The following FABP6 variants were observed in gnomAD, a reference collection of about 807,000 sequenced individuals.
FABP6 encodes gastrotropin.
A neutral mutation model predicts 14.9 loss-of-function variants in FABP6; 13 were observed. The observed-to-expected ratio is 0.87, with a 90% CI of 0.57 to 1.39. The LOEUF is 1.39. FABP6 is among the 40% of genes most tolerant of loss of function. FABP6 has a pLI of 0.00. For synonymous variants in FABP6, 75 were observed against 63.6 expected, an observed-to-expected ratio of 1.18 and a Z score of -0.85; for missense variants, 161 against 167.2, an observed-to-expected ratio of 0.96 and a Z score of 0.20.
At chr5:160,213,343 A>C (rs1759932899) in intron 2 of FABP6, among the ~76,000 whole-genome samples, 1 of 152,242 alleles carries the variant, frequency 6.6e-6, no homozygotes, top group African/African-American at 2.4e-5. Context: ...AAGCAGGGAC[A>C]AGAGAATCCA....
At chr5:160,215,562 C>G (rs1759992838) in intron 3 of FABP6, among the ~76,000 whole-genome samples, 1 of 150,998 alleles carries the variant, frequency 6.6e-6, no homozygotes, top group Non-Finnish European at 1.5e-5. Flanking sequence ...GTGGCTCACA[C>G]TTGTAATCCC....
rs1044653045 is a variant in FABP6 at position 160,234,419 on chromosome 5, G to A, written c.244-401G>A. On this transcript the variant is annotated intron_variant, in intron 2 of 3. Coordinates refer to ENST00000402432, the MANE Select transcript of FABP6 (RefSeq NM_001445.3). ...TTTTTTTTTACCTACAACTGTCTTG[G>A]TAAATTCATTTTTTTTTTTTTTTTT... Among the ~76,000 whole-genome samples the A allele has an allele frequency of 5.2e-5, 6 of 114,906 alleles. No individual in the cohort carries two copies. In the Admixed American group the frequency reaches 5.6e-4, roughly 11 times the overall value. 75.4% of individuals were successfully genotyped at this position (114,906 alleles called of 152,430 possible). A position where few individuals can be genotyped will look rare whatever the true frequency, so the allele number is the denominator to read the frequency against.
At chr5:160,225,175 C>T (rs1217700568), upstream of FABP6, among the ~76,000 whole-genome samples, 1 of 151,752 alleles carries the variant, frequency 6.6e-6, no homozygotes, top group Non-Finnish European at 1.5e-5. Context: ...CGGCTCACTG[C>T]AACATCCACC....
At chr5:160,221,885 A>G (rs1174374946) in intron 3 of FABP6, among the ~76,000 whole-genome samples, 1 of 152,230 alleles carries the variant, frequency 6.6e-6, no homozygotes, top group Admixed American at 6.5e-5. Flanking sequence ...GAAAACATCT[A>G]GAAGTTTATC....
intron 1 of FABP6, among the ~76,000 whole-genome samples, chr5:160,192,634 A>G (rs1041967417): frequency 3.9e-5 from 6 of 152,238 alleles, no homozygotes; most frequent in Admixed American, 3.3e-4. Context: ...GCACCGTGCT[A>G]GACAGCAGGG....
At chr5:160,193,023 A>T (rs187216661) in intron 1 of FABP6, among the ~76,000 whole-genome samples, 1 of 152,328 alleles carries the variant, frequency 6.6e-6, no homozygotes, top group East Asian at 1.9e-4. Context: ...AGGCAGGAGG[A>T]TTGCTTAAGC....
chr5:160,188,045 A>T (rs1759322209), intron 1 of FABP6, among the ~76,000 whole-genome samples: 1 of 117,280 alleles, frequency 8.5e-6, no homozygotes, highest in Admixed American at 9.7e-5. Context: ...AGCCACTGAG[A>T]CCCCGGCCTG....
rs1405497001 is a variant in FABP6 at position 160,238,647 on chromosome 5, G to A, written c.375G>A (p.Lys125=). 6.2e-7 allele frequency: 1 copy of A among 1,613,910 alleles called. No individual in the cohort carries two copies. Residue 125 remains lysine, a synonymous_variant, in exon 4 of 4, where the codon AAG becomes AAA. Coordinates refer to ENST00000402432, the MANE Select transcript of FABP6 (RefSeq NM_001445.3). ...IGGVTYERVS[K]RLA The stretch of plus-strand genomic sequence containing the variant: ...GCGTGACCTATGAGCGCGTGAGCAA[G>A]AGACTGGCCTAAGCAGCCAGGCCCG...
intron 2 of FABP6, chr5:160,204,860 T>G (rs1183365830): frequency 2.0e-5 from 3 of 152,164 alleles, no homozygotes; most frequent in African/African-American, 7.2e-5. Flanking sequence ...TCAGGGCCTA[T>G]CCAAGGTAGG....
At chr5:160,205,923 A>G (rs998203408) in intron 2 of FABP6, among the ~76,000 whole-genome samples, 1 of 152,116 alleles carries the variant, frequency 6.6e-6, no homozygotes, top group African/African-American at 2.4e-5. Flanking sequence ...GTCATGAGAG[A>G]TATTAACTTG....
chr5:160,220,309 T>C (rs1174536474), intron 3 of FABP6, among the ~76,000 whole-genome samples: 5 of 152,162 alleles, frequency 3.3e-5, no homozygotes, highest in Non-Finnish European at 7.3e-5. Flanking sequence ...GGTATTTTTT[T>C]CCCCATATAA....
At chr5:160,192,204 C>A (rs1056380635) in intron 1 of FABP6, among the ~76,000 whole-genome samples, 7 of 151,730 alleles carry the variant, frequency 4.6e-5, no homozygotes, top group African/African-American at 7.3e-5. Context: ...CTAAATTAAA[C>A]ATTTTAGAGA....
chr5:160,193,339 A>G (rs1481971161), intron 1 of FABP6, among the ~76,000 whole-genome samples: 2 of 152,096 alleles, frequency 1.3e-5, no homozygotes, highest in Non-Finnish European at 2.9e-5. Flanking sequence ...GGTAAGTGTT[A>G]TAGCTCATAA....
chr5:160,213,652 T>C (rs1759940293), intron 2 of FABP6: 2 of 1,163,388 alleles, frequency 1.7e-6, no homozygotes, highest in East Asian at 4.7e-5. Flanking sequence ...TGAGGAGCTC[T>C]GCCTCCCTGC....
rs369927893 is a variant in FABP6, at chr5:160,190,266, CTT to C, written c.-59+2813_-59+2814del. The stretch of plus-strand genomic sequence containing the variant: ...TTTATTTTTGAGACGGAGTTTTGCT[CTT>C]GTTGCCCAGGCTGGAATGCAATGGT... On this transcript the variant is annotated intron_variant, in intron 1 of 6. Coordinates refer to the FABP6 transcript ENST00000393980. Among the ~76,000 whole-genome samples, 103 of 152,282 alleles carry C rather than the reference CTT, an allele frequency of 6.8e-4. 3 individuals carry two copies. In the East Asian group the frequency reaches 0.011, roughly 17 times the overall value.
Position 160,237,236 on chromosome 5 carries a change from G to T in FABP6, c.334-1370G>T, listed in dbSNP as rs548142686. Among the ~76,000 whole-genome samples the T allele has an allele frequency of 8.5e-4, 129 of 152,190 alleles. 2 individuals carry two copies. Among genetic ancestry groups the T allele is most frequent in the Non-Finnish European group, 2.6e-4 (18 of 67,998 alleles). ...GGAAGCAGGTTTGGGCCTGACAAGA[G>T]AATTGATCTTCCCAAGCTGAGCGAA... On this transcript the variant is annotated intron_variant, in intron 3 of 3. Coordinates refer to ENST00000402432, the MANE Select transcript of FABP6 (RefSeq NM_001445.3).
At chr5:160,188,541 C>T (rs1683809279) in intron 1 of FABP6, among the ~76,000 whole-genome samples, 1 of 152,160 alleles carries the variant, frequency 6.6e-6, no homozygotes, top group South Asian at 2.1e-4. Context: ...TGGGGAGAGG[C>T]CGCCGCCGCG....
intron 2 of FABP6, among the ~76,000 whole-genome samples, chr5:160,213,541 T>C (rs1199112834): frequency 6.6e-6 from 1 of 152,234 alleles, no homozygotes; most frequent in African/African-American, 2.4e-5. Flanking sequence ...TCTCTGTCTG[T>C]TTTCCAAGCC....
In FABP6 at chr5:160,229,590, T is replaced by C. The variant is rs1380899660; in HGVS notation, c.33T>C (p.Ser11=). Residue 11 remains serine (S), a synonymous_variant, in exon 1 of 4, where the codon AGT becomes AGC. Transcript: ENST00000402432. ...TCACCGGCAAGTTCGAGATGGAGAG[T>C]GAGAAGAATTATGATGAGTTCATGA... MAFTGKFEME[S]EKNYDEFMKL... is the part of the protein sequence containing the mutation. 2 of 1,613,734 alleles carry C rather than the reference T, an allele frequency of 1.2e-6. No homozygotes were observed. Among genetic ancestry groups the C allele is most frequent in the South Asian group, 1.1e-5 (1 of 91,052 alleles).
Sources: allele counts gnomAD v4.1 joint callset (sites outside exome capture counted in the v4.1 genomes callset), GRCh38; gene constraint gnomAD v4.1.1; transcripts MANE v1.5; gene names NCBI Gene and HGNC (gene_info 2026-07-23, HGNC 2026-07-21).